Variants in EDDM13 observed in about 807,000 individuals in gnomAD.
The protein encoded by EDDM13 is epididymal protein 13.
In EDDM13, 24 loss-of-function variants were observed where a neutral mutation model predicts 17.8. The observed-to-expected ratio is 1.35, with a 90% CI of 0.98 to 1.90. The LOEUF (loss-of-function observed/expected upper bound fraction) is 1.90. Among genes scored for constraint, EDDM13 ranks in the 40% most tolerant of loss-of-function variants. The probability of loss-of-function intolerance (pLI) is 0.00; values close to 1 mark genes in which losing one functional copy is unlikely to be tolerated. For missense variants in EDDM13, 97 were observed against 100.8 expected, an observed-to-expected ratio of 0.96 and a Z score of 0.16; for synonymous variants, 31 against 37.5, an observed-to-expected ratio of 0.83 and a Z score of 0.63.
chr19:56,278,670 G>C (rs1376275713), intron 2 of EDDM13, among the ~76,000 whole-genome samples: 1 of 152,136 alleles, frequency 6.6e-6, no homozygotes, highest in African/African-American at 2.4e-5. Context: ...GAACCAGGAG[G>C]GCCAGTAGTG....
chr19:56,282,385 C>A (rs575515425), intron 3 of EDDM13, 106 bp from the exon 4 acceptor site: 2 of 645,224 alleles, frequency 3.1e-6, no homozygotes, highest in East Asian at 1.4e-4. Flanking sequence ...AATGAGGTAC[C>A]AAGGATGACT....
intron 3 of EDDM13, among the ~76,000 whole-genome samples, chr19:56,282,117 T>TG (rs931546312): frequency 1.3e-5 from 2 of 152,184 alleles, no homozygotes. Context: ...TGGTACAGGG[T>TG]GGGTAAGACG....
At position 56,301,999 on chromosome 19, in the gene EDDM13, G is replaced by A; in HGVS notation, c.327G>A (p.Arg109=). 1.6e-6 allele frequency: 2 copies of A among 1,232,116 alleles called. No individual in the cohort carries two copies. The highest frequency in any genetic ancestry group is 4.1e-5 in the South Asian group (1 of 24,324). The allele number at this position is 1,232,116 out of a possible 1,614,324, so 76.3% of individuals were successfully genotyped here. Residue 109 remains arginine, a synonymous_variant, in exon 13 of 15, where the codon AGG becomes AGA. Coordinates refer to ENST00000649256, the MANE Select transcript of EDDM13 (RefSeq NM_001354658.2). ...CCTTCTCAGGCACCACCCCATCCAGGAAACCACTCCCCAAGAGGAAGAACA... is the reference window on the plus strand; with the variant it reads ...CCTTCTCAGGCACCACCCCATCCAGAAAACCACTCCCCAAGAGGAAGAACA... The part of the protein sequence containing the change: ...VKPFSGTTPS[R]KPLPKRKNTW...
At chr19:56,295,421 T>C (rs1456749651) in intron 9 of EDDM13, among the ~76,000 whole-genome samples, 1 of 151,782 alleles carries the variant, frequency 6.6e-6, no homozygotes, top group Non-Finnish European at 1.5e-5. Context: ...TGGTGAAACC[T>C]CCGTTTCTAC....
At chr19:56,305,806 C>T (rs1279996109) in intron 14 of EDDM13, among the ~76,000 whole-genome samples, 1 of 152,048 alleles carries the variant, frequency 6.6e-6, no homozygotes, top group Non-Finnish European at 1.5e-5. Flanking sequence ...TGAAGGAAAG[C>T]CTCTTTAGGA....
At position 56,281,697 on chromosome 19, in the gene EDDM13, C is replaced by T. The variant is rs2038718876; in HGVS notation, c.108C>T (p.Asn36=). The part of the protein sequence containing the change: ...PREVATKEKI[N]LLKGIIGLMS... ...TGGCTCTGCTGCCCCTTCCAGTCAA[C>T]TGTAAGTCATATCTCCTTCTCCCTA... The change falls in exon 3 of 15, where the codon AAC becomes AAT. Residue 36 remains asparagine (N), a splice_region_variant and synonymous_variant. Coordinates refer to ENST00000649256, the MANE Select transcript of EDDM13 (RefSeq NM_001354658.2). The T allele has an allele frequency of 1.0e-6, 1 of 985,238 alleles. No individual in the cohort carries two copies. The highest frequency in any genetic ancestry group is 6.2e-5 in the Admixed American group (1 of 16,260). The allele number at this position is 985,238 out of a possible 1,614,324, so 61.0% of individuals were successfully genotyped here.
chr19:56,309,797 T>C (rs1239496525), intron 14 of EDDM13, among the ~76,000 whole-genome samples: 1 of 152,096 alleles, frequency 6.6e-6, no homozygotes, highest in Non-Finnish European at 1.5e-5. Context: ...AGTGAGGAAC[T>C]GGAGGGGGCG....
At chr19:56,305,374 A>T (rs2040618802) in intron 14 of EDDM13, among the ~76,000 whole-genome samples, 1 of 152,200 alleles carries the variant, frequency 6.6e-6, no homozygotes, top group Non-Finnish European at 1.5e-5. Flanking sequence ...TTCATTTGGC[A>T]TAATATTTCC....
At chr19:56,285,213 T>G (rs1038038115) in intron 6 of EDDM13, among the ~76,000 whole-genome samples, 189 bp downstream of exon 6, 1 of 152,258 alleles carries the variant, frequency 6.6e-6, no homozygotes, top group Non-Finnish European at 1.5e-5. Flanking sequence ...AGCTAGAATT[T>G]TGCCTAATAA....
intron 13 of EDDM13, among the ~76,000 whole-genome samples, chr19:56,304,168 G>C (rs2147296705): frequency 6.6e-6 from 1 of 152,348 alleles, no homozygotes; most frequent in African/African-American, 2.4e-5. Context: ...GACACACTGA[G>C]AGGAGGCCCG....
At chr19:56,277,685 T>A (rs1169837042) in intron 2 of EDDM13, among the ~76,000 whole-genome samples, 1 of 152,046 alleles carries the variant, frequency 6.6e-6, no homozygotes, top group African/African-American at 2.4e-5. Flanking sequence ...GTGAATTATA[T>A]CTCAGTAAAG....
chr19:56,308,671 C>T (rs1033891480), intron 14 of EDDM13, among the ~76,000 whole-genome samples: 2 of 150,616 alleles, frequency 1.3e-5, no homozygotes, highest in African/African-American at 4.9e-5. Flanking sequence ...TTTTTTTTCC[C>T]GCTCCATTAT....
In EDDM13 at chr19:56,303,512, A is replaced by AGGAG. The variant is rs776776713; in HGVS notation, c.424-1263_424-1260dup. ...AAAAAAAAAGAAGGAAAGGAAGGAA[A>AGGAG]GGAGGGAGGGAGGGAGGGAGGCAAG... is the stretch of plus-strand genomic sequence containing the variant. On this transcript the variant is annotated intron_variant, in intron 13 of 14. Coordinates refer to ENST00000649256, the MANE Select transcript of EDDM13 (RefSeq NM_001354658.2). 9.2e-4 allele frequency among the ~76,000 whole-genome samples: 122 copies of AGGAG among 133,046 alleles called. 1 individual carries two copies. The highest frequency in any genetic ancestry group is 1.5e-3 in the Admixed American group (20 of 13,186). 87.3% of individuals were successfully genotyped at this position (133,046 alleles called of 152,430 possible). A position where few individuals can be genotyped will look rare whatever the true frequency, so the allele number is the denominator to read the frequency against.
chr19:56,281,671 C>T (rs1351903003), intron 2 of EDDM13, 22 bp from the exon 3 acceptor site: 1 of 985,044 alleles, frequency 1.0e-6, no homozygotes, highest in African/African-American at 1.7e-5. Context: ...TCACTGGCTC[C>T]TGGCTCTGCT....
At chr19:56,296,168 C>T (rs2147204025) in intron 10 of EDDM13, 168 bp from the exon 11 acceptor site, 1 of 152,452 alleles carries the variant, frequency 6.6e-6, no homozygotes, top group East Asian at 1.9e-4. Flanking sequence ...CTGTGTGGCA[C>T]AGGGGGGAGG....
At chr19:56,309,138 G>C (rs891071533) in intron 14 of EDDM13, among the ~76,000 whole-genome samples, 1 of 152,216 alleles carries the variant, frequency 6.6e-6, no homozygotes. Flanking sequence ...ATGGGGTCCT[G>C]GCACGTGCAA....
At chr19:56,296,244 T>G (rs933704336) in intron 10 of EDDM13, 92 bp from the exon 11 acceptor site, 4 of 151,664 alleles carry the variant, frequency 2.6e-5, no homozygotes, top group African/African-American at 9.7e-5. Flanking sequence ...GGAGGAGGAG[T>G]GGCTTGGGGC....
intron 5 of EDDM13, 87 bp from the exon 6 acceptor site, chr19:56,284,911 A>T: frequency 1.7e-6 from 1 of 605,320 alleles, no homozygotes; most frequent in Non-Finnish European, 2.1e-6. Flanking sequence ...AGAGTTTGTT[A>T]CATCTGTTGA....
At chr19:56,292,009 A>G (rs1196814074) in intron 9 of EDDM13, among the ~76,000 whole-genome samples, 12 of 152,130 alleles carry the variant, frequency 7.9e-5, no homozygotes, top group Non-Finnish European at 1.5e-5. Flanking sequence ...CACTTGACTG[A>G]GGTATAAAGG....
Sources: gnomAD v4.1 joint callset for allele counts (sites outside exome capture counted in the v4.1 genomes callset) on GRCh38, gnomAD v4.1.1 for gene constraint, MANE v1.5 for transcripts, NCBI Gene and HGNC (gene_info 2026-07-23, HGNC 2026-07-21) for gene names.